NDUFAF6: variants seen among roughly 807,000 people sequenced by gnomAD.
NDUFAF6 encodes the protein NADH dehydrogenase (ubiquinone) complex I, assembly factor 6.
A neutral mutation model predicts 40.8 loss-of-function variants in NDUFAF6; 45 were observed. The observed-to-expected ratio is 1.10, with a 90% CI of 0.87 to 1.42. The LOEUF is 1.42. NDUFAF6 is among the 40% of genes most tolerant of loss of function. The pLI, the probability that NDUFAF6 is intolerant of heterozygous loss-of-function variation, is 0.00. For synonymous variants in NDUFAF6, 185 were observed against 155.9 expected, an observed-to-expected ratio of 1.19 and a Z score of -1.39; for missense variants, 435 against 418.5, an observed-to-expected ratio of 1.04 and a Z score of -0.34.
intron 1 of NDUFAF6, among the ~76,000 whole-genome samples, chr8:94,960,165 T>A (rs1265252667): frequency 6.6e-6 from 1 of 152,240 alleles, no homozygotes; most frequent in Non-Finnish European, 1.5e-5. Context: ...CTTCTTTTTT[T>A]TGGTAGCAGC....
At chr8:95,069,705 G>A (rs1268779518) in intron 9 of NDUFAF6, among the ~76,000 whole-genome samples, 1 of 149,628 alleles carries the variant, frequency 6.7e-6, no homozygotes, top group Non-Finnish European at 1.5e-5. Flanking sequence ...GCTGGAACCC[G>A]GGAGGCAGAG....
intron 2 of NDUFAF6, among the ~76,000 whole-genome samples, chr8:95,002,721 T>C (rs894497860): frequency 1.3e-5 from 2 of 152,362 alleles, no homozygotes; most frequent in East Asian, 1.9e-4. Flanking sequence ...TCTCTGCAAC[T>C]GTAGAGTACT....
chr8:94,960,830 T>C (rs914639807), intron 1 of NDUFAF6, among the ~76,000 whole-genome samples: 3 of 152,238 alleles, frequency 2.0e-5, no homozygotes, highest in African/African-American at 7.2e-5. Flanking sequence ...CCCTGACTGT[T>C]GTAACTTTTC....
chr8:95,044,353 T>C (rs867315959), intron 4 of NDUFAF6: 9 of 152,136 alleles, frequency 5.9e-5, no homozygotes, highest in African/African-American at 2.2e-4. Flanking sequence ...CTGAATTGTA[T>C]TATTTGAAGG....
intron 1 of NDUFAF6, among the ~76,000 whole-genome samples, chr8:95,026,447 G>T (rs1020265857): frequency 5.3e-5 from 8 of 152,122 alleles, no homozygotes; most frequent in African/African-American, 1.9e-4. Context: ...TAGCCTGGGC[G>T]ACAGTCTCAA....
chr8:95,042,832 C>T (rs1830291909), intron 4 of NDUFAF6, among the ~76,000 whole-genome samples: 1 of 152,070 alleles, frequency 6.6e-6, no homozygotes, highest in African/African-American at 2.4e-5. Context: ...AGATATAAAC[C>T]CATATATTTA....
chr8:95,117,832 C>G (rs1297026030), downstream of NDUFAF6, among the ~76,000 whole-genome samples: 1 of 152,180 alleles, frequency 6.6e-6, no homozygotes, highest in African/African-American at 2.4e-5. Context: ...AACAAAGCAG[C>G]CTGGATCACT....
chr8:94,980,733 A>G, intron 1 of NDUFAF6: 1 of 266,844 alleles, frequency 3.7e-6, no homozygotes, highest in South Asian at 3.6e-5. Flanking sequence ...TGAAGGTGTA[A>G]GCCACCGTGC....
intron 1 of NDUFAF6, among the ~76,000 whole-genome samples, chr8:94,914,086 G>A (rs921866123): frequency 1.2e-4 from 18 of 151,074 alleles, no homozygotes; most frequent in East Asian, 1.9e-4. Flanking sequence ...CACCGCGCCC[G>A]GCCTGAGACC....
upstream of NDUFAF6, among the ~76,000 whole-genome samples, chr8:95,099,925 C>T (rs759560559): frequency 3.3e-5 from 5 of 152,202 alleles, no homozygotes; most frequent in Non-Finnish European, 5.9e-5. Context: ...AATGTTTTCT[C>T]TGATGCCTTT....
chr8:95,047,698 A>G (rs1830956706), intron 6 of NDUFAF6, among the ~76,000 whole-genome samples: 1 of 151,096 alleles, frequency 6.6e-6, no homozygotes, highest in Non-Finnish European at 1.5e-5. Context: ...TTTAGTAGAG[A>G]TGAGGTTTCA....
chr8:95,027,037 C>A (rs1828238642), intron 1 of NDUFAF6, among the ~76,000 whole-genome samples: 1 of 152,082 alleles, frequency 6.6e-6, no homozygotes, highest in African/African-American at 2.4e-5. Flanking sequence ...CAGAGCAAGA[C>A]CCTGTTTCAA....
upstream of NDUFAF6, among the ~76,000 whole-genome samples, chr8:95,020,484 C>A (rs1827647207): frequency 6.6e-6 from 1 of 152,204 alleles, no homozygotes; most frequent in African/African-American, 2.4e-5. Context: ...AGGTCCCCAT[C>A]TGGGCTGAGG....
chr8:94,935,119 G>GCAGATAGATA (rs1563725561), intron 1 of NDUFAF6, among the ~76,000 whole-genome samples: 1 of 115,794 alleles, frequency 8.6e-6, no homozygotes, highest in Admixed American at 9.3e-5. Context: ...AGGTACATAG[G>GCAGATAGATA]TAGATAGATA....
chr8:94,940,906 T>G (rs769012615), intron 1 of NDUFAF6: 1 of 1,613,972 alleles, frequency 6.2e-7, no homozygotes, highest in Non-Finnish European at 8.5e-7. Flanking sequence ...AAGAACTGAC[T>G]TCACCCACAA....
At position 94,937,049 on chromosome 8, in the gene NDUFAF6, G is replaced by A. The variant is rs191278146; in HGVS notation, c.-935-8434G>A. On this transcript the variant is annotated intron_variant, in intron 1 of 14. Transcript: ENST00000396113. ...TCTTGAGAAGAAAAGACAGTCTCTG[G>A]AGTGGGCTTTACTTAACCAATGGAA... 7.2e-5 allele frequency among the ~76,000 whole-genome samples: 11 copies of A among 152,316 alleles called. No individual in the cohort carries two copies. The South Asian group carries it at 1.5e-3, about 20-fold the overall frequency.
intron 4 of NDUFAF6, among the ~76,000 whole-genome samples, chr8:95,113,070 C>A (rs1346513606): frequency 6.6e-6 from 1 of 152,170 alleles, no homozygotes; most frequent in African/African-American, 2.4e-5. Flanking sequence ...CCACCACAGT[C>A]CTACGGGTGA....
chr8:95,034,483 T>C (rs1190765916), intron 2 of NDUFAF6, among the ~76,000 whole-genome samples: 1 of 152,248 alleles, frequency 6.6e-6, no homozygotes, highest in African/African-American at 2.4e-5. Context: ...TTTAGTTTTC[T>C]GTCTCTTTAG....
intron 1 of NDUFAF6, among the ~76,000 whole-genome samples, chr8:94,920,394 G>T (rs539668699): frequency 6.6e-6 from 1 of 152,322 alleles, no homozygotes; most frequent in East Asian, 1.9e-4. Context: ...CCTTCAAGAT[G>T]GCTCCTCTTG....
Sources: allele counts gnomAD v4.1 joint callset (sites outside exome capture counted in the v4.1 genomes callset), GRCh38; gene constraint gnomAD v4.1.1; transcripts MANE v1.5; gene names NCBI Gene and HGNC (gene_info 2026-07-23, HGNC 2026-07-21).